The following EML6 variants were observed in gnomAD, a reference collection of about 807,000 sequenced individuals.
EML6 encodes EMAP like 6.
In EML6, 154 loss-of-function variants were observed where a neutral mutation model predicts 240.1. The ratio of observed to expected loss-of-function variants is 0.64; its 90% CI spans 0.56 to 0.73. The LOEUF (loss-of-function observed/expected upper bound fraction) is 0.73. Among genes scored for constraint, EML6 ranks in the 30% least tolerant of loss-of-function variants. EML6 has a pLI of 0.00. For missense variants in EML6, 2,964 were observed against 2,474.6 expected (o/e 1.20, Z -4.20); for synonymous variants, 1,148 against 899.0 (o/e 1.28, Z -4.95).
intron 2 of EML6, among the ~76,000 whole-genome samples, chr2:54,800,241 AT>A (rs879838021): frequency 8.6e-5 from 13 of 151,956 alleles, no homozygotes; most frequent in Non-Finnish European, 1.8e-4. Flanking sequence ...CAACCATTTG[AT>A]TTCTTATTTT....
intron 7 of EML6, among the ~76,000 whole-genome samples, chr2:54,830,418 C>A (rs1022229034): frequency 1.4e-4 from 22 of 152,140 alleles, no homozygotes; most frequent in African/African-American, 5.3e-4. Context: ...GAAGGGGAAT[C>A]TTTTTCAGTG....
intron 7 of EML6, among the ~76,000 whole-genome samples, chr2:54,834,880 C>T (rs1669054068): frequency 6.6e-6 from 1 of 152,106 alleles, no homozygotes; most frequent in Non-Finnish European, 1.5e-5. Context: ...CGACCACCAT[C>T]CTCTGCACAG....
intron 37 of EML6, 32 bp from the exon 38 acceptor site, chr2:54,964,539 C>T (rs753016813): frequency 3.9e-6 from 6 of 1,550,198 alleles, no homozygotes; most frequent in Admixed American, 2.0e-5. Flanking sequence ...CAGCCCTCCT[C>T]ATGGACTCTG....
At chr2:54,870,940 C>T (rs7583424) in intron 15 of EML6, among the ~76,000 whole-genome samples, 104,629 of 152,092 alleles carry the variant, frequency 0.69, 37,397 homozygotes, top group African/African-American at 0.89. Flanking sequence ...AAAAACCACT[C>T]TACTATTATA....
chr2:54,857,852 C>T (rs973853162), intron 11 of EML6, among the ~76,000 whole-genome samples: 12 of 151,946 alleles, frequency 7.9e-5, no homozygotes, highest in South Asian at 2.1e-4. Flanking sequence ...AGTGAGTGAG[C>T]GGGGAGAGAG....
chr2:54,971,540 C>T lies in EML6; in HGVS notation c.*1445C>T, dbSNP rs1677012997. 3.3e-5 allele frequency: 5 copies of T among 152,336 alleles called. No homozygotes were observed. The highest frequency in any genetic ancestry group is 3.3e-4 in the Admixed American group (5 of 15,304). The allele number at this position is 152,336 out of a possible 1,614,324, so 9.4% of individuals were successfully genotyped here. On this transcript the variant is annotated 3_prime_UTR_variant, in exon 42 of 42. Transcript: ENST00000356458. The stretch of plus-strand genomic sequence containing the variant: ...TTGTAGAATAGACTAACATTTACCA[C>T]AGAAGTGCTTCAGCATTCTAAATGG...
chr2:54,870,655 T>A (rs1397710962), intron 15 of EML6, among the ~76,000 whole-genome samples: 1 of 152,202 alleles, frequency 6.6e-6, no homozygotes, highest in Non-Finnish European at 1.5e-5. Context: ...TTCACGTGTA[T>A]TTAATAGCCT....
intron 17 of EML6, among the ~76,000 whole-genome samples, chr2:54,884,125 G>A (rs978832988): frequency 1.3e-5 from 2 of 152,246 alleles, no homozygotes; most frequent in East Asian, 3.9e-4. Flanking sequence ...ACAGGTTGAG[G>A]GCTCAGTTTC....
chr2:54,925,003 A>G (rs1295542230), intron 26 of EML6, among the ~76,000 whole-genome samples: 2 of 152,102 alleles, frequency 1.3e-5, no homozygotes, highest in African/African-American at 4.8e-5. Context: ...ATTATCTGTT[A>G]TGAACTTGAA....
At chr2:54,876,574 G>C (rs533082134) in intron 16 of EML6, among the ~76,000 whole-genome samples, 1 of 152,280 alleles carries the variant, frequency 6.6e-6, no homozygotes, top group Non-Finnish European at 1.5e-5. Context: ...AAATGTATTT[G>C]TGCTTGCATT....
chr2:54,778,514 G>C lies in EML6; in HGVS notation c.198-34718G>C, dbSNP rs1159351031. The stretch of plus-strand genomic sequence containing the variant: ...ATGGCCATTTTATCACTCTGTGCGA[G>C]ATGCTGACACCATGCACTAAGTTTT... On this transcript the variant is annotated intron_variant, in intron 2 of 41. Transcript: ENST00000356458. Among the ~76,000 whole-genome samples, 5 of 152,262 alleles carry C rather than the reference G, an allele frequency of 3.3e-5. No individual in the cohort carries two copies. In the East Asian group the frequency reaches 9.6e-4, roughly 29 times the overall value.
intron 2 of EML6, among the ~76,000 whole-genome samples, chr2:54,755,069 A>G (rs921622609): frequency 2.0e-5 from 3 of 152,226 alleles, no homozygotes; most frequent in African/African-American, 7.2e-5. Flanking sequence ...TGATTTTATG[A>G]GATGGTCATG....
intron 2 of EML6, among the ~76,000 whole-genome samples, chr2:54,762,550 T>C (rs1262727451): frequency 6.6e-6 from 1 of 152,224 alleles, no homozygotes; most frequent in African/African-American, 2.4e-5. Context: ...TGCTAATTTA[T>C]GTCTGAATTT....
intron 2 of EML6, among the ~76,000 whole-genome samples, chr2:54,778,260 A>T (rs1572885333): frequency 6.6e-6 from 1 of 152,252 alleles, no homozygotes; most frequent in Non-Finnish European, 1.5e-5. Flanking sequence ...AAGGATTTGT[A>T]TAAGATTTCA....
intron 2 of EML6, among the ~76,000 whole-genome samples, chr2:54,805,611 A>G (rs1367717426): frequency 6.6e-6 from 1 of 151,786 alleles, no homozygotes; most frequent in Admixed American, 6.6e-5. Context: ...TTTTCTTTTC[A>G]TTCTCCTAGT....
intron 10 of EML6, among the ~76,000 whole-genome samples, chr2:54,850,540 T>A (rs1670022247): frequency 6.6e-6 from 1 of 151,008 alleles, no homozygotes; most frequent in East Asian, 1.9e-4. Context: ...AAGATATATA[T>A]CTAGAATATA....
intron 7 of EML6, among the ~76,000 whole-genome samples, chr2:54,841,337 T>A (rs55851760): frequency 6.6e-6 from 1 of 152,180 alleles, no homozygotes; most frequent in Non-Finnish European, 1.5e-5. Flanking sequence ...GCCTGTGTGC[T>A]TTTTCCCACC....
intron 15 of EML6, among the ~76,000 whole-genome samples, chr2:54,870,431 T>C (rs1671194345): frequency 6.6e-6 from 1 of 151,922 alleles, no homozygotes; most frequent in Non-Finnish European, 1.5e-5. Context: ...GGAAAAAGGA[T>C]CCACAGCTTT....
intron 39 of EML6, among the ~76,000 whole-genome samples, chr2:54,967,823 C>T (rs547037148): frequency 1.3e-5 from 2 of 152,300 alleles, no homozygotes; most frequent in South Asian, 4.1e-4. Context: ...TCATAAGGAG[C>T]TTGCAACCTA....
Sources: gnomAD v4.1 joint callset for allele counts (sites outside exome capture counted in the v4.1 genomes callset) on GRCh38, gnomAD v4.1.1 for gene constraint, MANE v1.5 for transcripts, NCBI Gene and HGNC (gene_info 2026-07-23, HGNC 2026-07-21) for gene names.